The following PPP3CC variants were observed in gnomAD, a reference collection of about 807,000 sequenced individuals.
PPP3CC encodes protein phosphatase 3 catalytic subunit gamma, also known as serine/threonine-protein phosphatase 2B catalytic subunit gamma isoform.
Under a neutral mutation model 60.3 loss-of-function variants are expected in PPP3CC, and 35 were observed. The ratio of observed to expected loss-of-function variants is 0.58; its 90% confidence interval spans 0.44 to 0.77. PPP3CC has a LOEUF of 0.77. PPP3CC is among the 30% of genes least tolerant of loss of function. The pLI, the probability that PPP3CC is intolerant of heterozygous loss-of-function variation, is 0.00. For synonymous variants in PPP3CC, 206 were observed against 224.3 expected (o/e 0.92, Z 0.73); for missense variants, 570 against 628.9 (o/e 0.91, Z 1.00).
chr8:22,532,530 T>A (rs1235429025), intron 11 of PPP3CC, among the ~76,000 whole-genome samples: 1 of 152,214 alleles, frequency 6.6e-6, no homozygotes, highest in Non-Finnish European at 1.5e-5. Context: ...GTGTGGACTT[T>A]CCAACCCGAT....
intron 1 of PPP3CC, among the ~76,000 whole-genome samples, chr8:22,457,027 T>TCCTC (rs1837218577): frequency 3.4e-5 from 2 of 57,988 alleles, no homozygotes; most frequent in Non-Finnish European, 6.0e-5. Flanking sequence ...CTTCCTCCCT[T>TCCTC]CCTCCCTTCC....
At chr8:22,510,367 TAA>T (rs1839051469) in intron 4 of PPP3CC, among the ~76,000 whole-genome samples, 1 of 152,142 alleles carries the variant, frequency 6.6e-6, no homozygotes, top group African/African-American at 2.4e-5. Flanking sequence ...TTACAGACCT[TAA>T]AAATTATGAG....
At chr8:22,528,605 C>G in intron 10 of PPP3CC, 28 bp downstream of exon 10, 2 of 1,458,522 alleles carry the variant, frequency 1.4e-6, no homozygotes, top group Non-Finnish European at 1.8e-6. Context: ...TGAACTAAAA[C>G]TAGAAAGAGG....
At chr8:22,477,776 C>T (rs1447595313) in intron 3 of PPP3CC, among the ~76,000 whole-genome samples, 1 of 152,076 alleles carries the variant, frequency 6.6e-6, no homozygotes, top group African/African-American at 2.4e-5. Context: ...GTATATGGAA[C>T]TATAGATGCA....
In PPP3CC at chr8:22,522,693, C is replaced by T; in HGVS notation, c.887C>T (p.Pro296Leu). 6.2e-7 allele frequency: 1 copy of T among 1,607,258 alleles called. No homozygotes were observed. Among genetic ancestry groups the T allele is most frequent in the Non-Finnish European group, 8.5e-7 (1 of 1,173,990 alleles). The change falls in exon 8 of 14, where the codon CCA becomes CTA. Residue 296 changes from proline to leucine, a missense_variant. Coordinates refer to ENST00000240139, the MANE Select transcript of PPP3CC (RefSeq NM_005605.5). ...MYRKSQATGFPSLITIFSAPN... is the reference protein window; with the variant it reads ...MYRKSQATGFLSLITIFSAPN... ...AGGAAGAGCCAAGCCACAGGCTTTC[C>T]ATCACTTATTACAATTTTCTCTGCC... is the stretch of plus-strand genomic sequence containing the variant.
intron 1 of PPP3CC, among the ~76,000 whole-genome samples, chr8:22,462,174 TG>T (rs1243537331): frequency 1.1e-4 from 17 of 152,182 alleles, no homozygotes; most frequent in African/African-American, 4.1e-4. Context: ...ACTCAAGAGT[TG>T]GAGACTGCAG....
intron 5 of PPP3CC, among the ~76,000 whole-genome samples, chr8:22,512,272 T>C (rs1839109165): frequency 2.0e-5 from 3 of 152,266 alleles, no homozygotes; most frequent in African/African-American, 7.2e-5. Flanking sequence ...CTTGCCTTAC[T>C]GTCTTTTAAG....
At chr8:22,468,607 T>C (rs1837619638) in intron 1 of PPP3CC, among the ~76,000 whole-genome samples, 1 of 150,038 alleles carries the variant, frequency 6.7e-6, no homozygotes, top group African/African-American at 2.5e-5. Flanking sequence ...CTCAAATTAT[T>C]TTGAAACATT....
chr8:22,494,104 A>G (rs550617409), intron 3 of PPP3CC, among the ~76,000 whole-genome samples: 1 of 152,270 alleles, frequency 6.6e-6, no homozygotes, highest in South Asian at 2.1e-4. Flanking sequence ...GTGCATGACT[A>G]TATTGATTTA....
chr8:22,459,421 C>T (rs549034757), intron 1 of PPP3CC, among the ~76,000 whole-genome samples: 7 of 151,228 alleles, frequency 4.6e-5, no homozygotes, highest in African/African-American at 1.5e-4. Context: ...TTCATGGTTC[C>T]CACTAATAAC....
At chr8:22,511,256 CAG>C (rs774209153) in intron 5 of PPP3CC, 25 bp downstream of exon 5, 7 of 1,594,080 alleles carry the variant, frequency 4.4e-6, no homozygotes, top group Non-Finnish European at 6.0e-6. Context: ...ATTATTCTCA[CAG>C]GGAATATTTT....
chr8:22,537,191 T>C (rs1013456743), intron 12 of PPP3CC, among the ~76,000 whole-genome samples: 6 of 152,232 alleles, frequency 3.9e-5, no homozygotes, highest in Non-Finnish European at 8.8e-5. Flanking sequence ...CCTAAGAGAT[T>C]GGTATCTAGA....
chr8:22,454,447 T>G (rs1330403294), intron 1 of PPP3CC, among the ~76,000 whole-genome samples: 1 of 152,192 alleles, frequency 6.6e-6, no homozygotes, highest in African/African-American at 2.4e-5. Flanking sequence ...TACCTTTTTT[T>G]TGTTGTTTTT....
At chr8:22,502,775 G>A (rs1838799431) in intron 4 of PPP3CC, among the ~76,000 whole-genome samples, 1 of 152,214 alleles carries the variant, frequency 6.6e-6, no homozygotes, top group Non-Finnish European at 1.5e-5. Flanking sequence ...TGCAGAGCAT[G>A]TAAATGGTCA....
chr8:22,539,714 T>C (rs1400247170), intron 13 of PPP3CC, among the ~76,000 whole-genome samples: 1 of 152,240 alleles, frequency 6.6e-6, no homozygotes, highest in Non-Finnish European at 1.5e-5. Flanking sequence ...CTACAGTTTT[T>C]TTTCTGGGCT....
intron 11 of PPP3CC, 145 bp downstream of exon 11, chr8:22,532,451 A>C (rs1839741886): frequency 1.5e-6 from 1 of 665,514 alleles, no homozygotes; most frequent in Non-Finnish European, 2.6e-6. Flanking sequence ...GAACATGTTT[A>C]AGCGACTAAA....
intron 3 of PPP3CC, among the ~76,000 whole-genome samples, chr8:22,496,188 A>G (rs773645656): frequency 3.3e-5 from 5 of 151,520 alleles, no homozygotes; most frequent in Non-Finnish European, 5.9e-5. Context: ...TTATTTACCA[A>G]ATTTTTGTAG....
rs891182934 is a variant in PPP3CC at position 22,511,079 on chromosome 8, T to A, written c.485-7T>A. On this transcript the variant is annotated splice_region_variant and splice_polypyrimidine_tract_variant and intron_variant, in intron 4 of 13. Transcript: ENST00000240139. ...TCTTCCATTGACTGGTTTTCCTTTT[T>A]TGTTAGGTCGAATCAAATATTCGGA... The A allele has an allele frequency of 3.1e-6, 5 of 1,612,874 alleles. No homozygotes were observed. Among genetic ancestry groups the A allele is most frequent in the Non-Finnish European group, 3.4e-6 (4 of 1,179,500 alleles).
chr8:22,513,172 C>T lies in PPP3CC; in HGVS notation c.631-121C>T, dbSNP rs185348910. 3.8e-4 allele frequency: 324 copies of T among 860,078 alleles called. 3 individuals carry two copies. The highest frequency in any genetic ancestry group is 3.5e-5 in the African/African-American group (2 of 57,520). 53.3% of individuals were successfully genotyped at this position (860,078 alleles called of 1,614,324 possible). A position where few individuals can be genotyped will look rare whatever the true frequency, so the allele number is the denominator to read the frequency against. ...CTTGCAGGAAAGTCCTTTAGGGGCA[C>T]ACTGGCTTCTCTCCTAATACATTCT... On this transcript the variant is annotated intron_variant, in intron 5 of 13. Coordinates refer to ENST00000240139, the MANE Select transcript of PPP3CC (RefSeq NM_005605.5).
Sources: allele counts gnomAD v4.1 joint callset (sites outside exome capture counted in the v4.1 genomes callset), GRCh38; gene constraint gnomAD v4.1.1; transcripts MANE v1.5; gene names NCBI Gene and HGNC (gene_info 2026-07-23, HGNC 2026-07-21).